Variants in TSPAN15 observed in about 807,000 individuals in gnomAD.
TSPAN15 encodes tetraspanin-15.
A neutral mutation model predicts 34.5 loss-of-function variants in TSPAN15; 20 were observed. That is an observed-to-expected ratio of 0.58 (90% CI 0.41 to 0.84). The LOEUF is 0.84. Among genes scored for constraint, TSPAN15 ranks in the 40% least tolerant of loss-of-function variants. The pLI, the probability that TSPAN15 is intolerant of heterozygous loss-of-function variation, is 0.00. For synonymous variants in TSPAN15, 155 were observed against 153.9 expected (o/e 1.01, Z -0.05); for missense variants, 313 against 386.1 (o/e 0.81, Z 1.59).
intron 6 of TSPAN15, 120 bp downstream of exon 6, chr10:69,504,605 T>TCTGG: frequency 3.8e-6 from 4 of 1,059,618 alleles, no homozygotes; most frequent in Non-Finnish European, 5.7e-6. Flanking sequence ...CATTCCTGGC[T>TCTGG]GTGACCCAGA....
chr10:69,485,346 A>G, intron 3 of TSPAN15, 131 bp downstream of exon 3: 2 of 810,364 alleles, frequency 2.5e-6, no homozygotes, highest in East Asian at 2.5e-5. Flanking sequence ...CTGAAAGAGA[A>G]TGACAGGCAC....
At chr10:69,497,062 A>G (rs933424762) in intron 4 of TSPAN15, among the ~76,000 whole-genome samples, 6 of 152,184 alleles carry the variant, frequency 3.9e-5, no homozygotes, top group Non-Finnish European at 5.9e-5. Context: ...TGCTTTACAG[A>G]CAACCATCTG....
chr10:69,543,844 A>AGTGTGT, the TSPAN15 span, among the ~76,000 whole-genome samples: 1,509 of 73,774 alleles, frequency 0.02, 53 homozygotes, highest in East Asian at 0.05. Context: ...GAAGAAGGGG[A>AGTGTGT]GTGTGTGTGT....
chr10:69,454,362 A>G (rs533483827), intron 1 of TSPAN15, among the ~76,000 whole-genome samples: 1 of 152,300 alleles, frequency 6.6e-6, no homozygotes, highest in Admixed American at 6.5e-5. Flanking sequence ...TACTAAAAAT[A>G]CAAAAATTAG....
At chr10:69,472,399 G>A (rs570889948) in intron 1 of TSPAN15, among the ~76,000 whole-genome samples, 2 of 152,118 alleles carry the variant, frequency 1.3e-5, no homozygotes, top group African/African-American at 2.4e-5. Context: ...CCTCTCTGGC[G>A]CCTTTGCACA....
chr10:69,545,470 A>G, the TSPAN15 span, among the ~76,000 whole-genome samples: 5 of 152,096 alleles, frequency 3.3e-5, no homozygotes, highest in African/African-American at 1.2e-4. Flanking sequence ...CTGGGGAGGG[A>G]GGCTGAGGGG....
the TSPAN15 span, among the ~76,000 whole-genome samples, chr10:69,533,320 A>G: frequency 6.6e-6 from 1 of 151,984 alleles, no homozygotes; most frequent in Admixed American, 6.6e-5. Context: ...TATATATAAA[A>G]CGGAATACTA....
At chr10:69,454,604 C>T (rs1449004545) in intron 1 of TSPAN15, among the ~76,000 whole-genome samples, 1 of 151,522 alleles carries the variant, frequency 6.6e-6, no homozygotes, top group East Asian at 1.9e-4. Flanking sequence ...ATTGCTTGAA[C>T]CTGGGAGTTC....
intron 5 of TSPAN15, among the ~76,000 whole-genome samples, chr10:69,501,386 G>A (rs1326450817): frequency 1.3e-5 from 2 of 152,186 alleles, no homozygotes; most frequent in East Asian, 3.9e-4. Context: ...CATGACCATT[G>A]AGTCTCCCTG....
At position 69,507,307 on chromosome 10, in the gene TSPAN15, C is replaced by T; in HGVS notation, c.*329C>T. The T allele has an allele frequency of 7.9e-7, 1 of 1,259,486 alleles. No homozygotes were observed. 78.0% of individuals were successfully genotyped at this position (1,259,486 alleles called of 1,614,324 possible). ...AGGGCCCATTTCATCTCTGGCAGTG[C>T]CTTGGCGGTGGTATTCAAGGCAGTT... is the stretch of plus-strand genomic sequence containing the variant. On this transcript the variant is annotated 3_prime_UTR_variant, in exon 8 of 8. Transcript: ENST00000373290.
chr10:69,512,056 T>C (rs537513744), downstream of TSPAN15, among the ~76,000 whole-genome samples: 25 of 152,332 alleles, frequency 1.6e-4, no homozygotes, highest in African/African-American at 5.5e-4. Flanking sequence ...ACCTGCCCAT[T>C]CTGCACAAGT....
At chr10:69,521,778 C>T in the TSPAN15 span, among the ~76,000 whole-genome samples, 1 of 147,410 alleles carries the variant, frequency 6.8e-6, no homozygotes, top group South Asian at 2.1e-4. Context: ...GGCCTTCAGA[C>T]TCAGACTGAA....
the TSPAN15 span, among the ~76,000 whole-genome samples, chr10:69,513,236 G>A: frequency 0.6 from 90,554 of 152,098 alleles, 27,364 homozygotes; most frequent in African/African-American, 0.66. Flanking sequence ...TTGCTGAAGC[G>A]CCTTTTGAAA....
intron 6 of TSPAN15, 129 bp from the exon 7 acceptor site, chr10:69,505,995 G>A: frequency 8.7e-6 from 6 of 691,344 alleles, no homozygotes; most frequent in Admixed American, 2.5e-5. Context: ...TTCTCATGCT[G>A]CATATGGGAA....
intron 3 of TSPAN15, among the ~76,000 whole-genome samples, chr10:69,491,089 C>A (rs1373623505): frequency 6.6e-6 from 1 of 152,342 alleles, no homozygotes; most frequent in Non-Finnish European, 1.5e-5. Flanking sequence ...ATAACCCTCT[C>A]CCACCATGGA....
intron 1 of TSPAN15, among the ~76,000 whole-genome samples, chr10:69,481,233 A>G (rs1392089847): frequency 2.0e-5 from 3 of 152,228 alleles, no homozygotes; most frequent in Admixed American, 6.5e-5. Flanking sequence ...CCAACTTGTT[A>G]GTAAGTGGCT....
chr10:69,461,215 C>T (rs866729046), intron 1 of TSPAN15, among the ~76,000 whole-genome samples: 2 of 152,172 alleles, frequency 1.3e-5, no homozygotes, highest in Admixed American at 6.5e-5. Flanking sequence ...AGGCCCTGAG[C>T]GGGGAAGTAA....
At chr10:69,461,690 C>T (rs2133067935) in intron 1 of TSPAN15, among the ~76,000 whole-genome samples, 1 of 152,234 alleles carries the variant, frequency 6.6e-6, no homozygotes, top group Non-Finnish European at 1.5e-5. Context: ...CACAGTGTGG[C>T]TGGTGGTGGG....
downstream of TSPAN15, among the ~76,000 whole-genome samples, chr10:69,512,090 A>C (rs1273460556): frequency 6.6e-6 from 1 of 152,222 alleles, no homozygotes; most frequent in Non-Finnish European, 1.5e-5. Flanking sequence ...AAGTATAAAA[A>C]AAAATGAAAT....
Sources: gnomAD v4.1 joint callset for allele counts (sites outside exome capture counted in the v4.1 genomes callset) on GRCh38, gnomAD v4.1.1 for gene constraint, MANE v1.5 for transcripts, NCBI Gene and HGNC (gene_info 2026-07-23, HGNC 2026-07-21) for gene names.